The following RCBTB2 variants were observed in gnomAD, a reference collection of about 807,000 sequenced individuals.
RCBTB2 encodes RCC1 and BTB domain containing protein 2, also known as RCC1 and BTB domain-containing protein 2.
A neutral mutation model predicts 65.4 loss-of-function variants in RCBTB2; 55 were observed. The observed-to-expected ratio is 0.84, with a 90% CI of 0.68 to 1.05. The LOEUF (loss-of-function observed/expected upper bound fraction) is 1.05. Ranked by LOEUF, RCBTB2 falls within the 50% of genes least tolerant of loss-of-function variation. RCBTB2 has a pLI of 0.00. For missense variants in RCBTB2, 599 were observed against 680.1 expected (o/e 0.88, Z 1.33); for synonymous variants, 220 against 255.2 (o/e 0.86, Z 1.31).
rs757928614 is a variant in RCBTB2 at position 48,490,081 on chromosome 13, A to C, written c.*30T>G. 3.7e-6 allele frequency: 6 copies of C among 1,612,932 alleles called. No individual in the cohort carries two copies. In the South Asian group the frequency reaches 6.6e-5, roughly 18 times the overall value. ...TCTCTGGCTTTTGCAGGGGAAATGG[A>C]AAGGCTCAAAAACTTTCCTGCAGAT... On this transcript the variant is annotated 3_prime_UTR_variant, in exon 15 of 15. Coordinates refer to ENST00000344532, the MANE Select transcript of RCBTB2 (RefSeq NM_001268.4).
intron 12 of RCBTB2, 44 bp downstream of exon 12, chr13:48,501,698 T>C: frequency 6.5e-7 from 1 of 1,545,656 alleles, no homozygotes; most frequent in Non-Finnish European, 8.9e-7. Flanking sequence ...ATATAATTGT[T>C]GAACGAATTA....
In RCBTB2 at chr13:48,489,190, T is replaced by C. The variant is rs2138375959; in HGVS notation, c.*921A>G. The C allele has an allele frequency of 6.6e-6, 1 of 152,358 alleles. No homozygotes were observed. The highest frequency in any genetic ancestry group is 1.9e-4 in the East Asian group (1 of 5,188). The allele number at this position is 152,358 out of a possible 1,614,324, so 9.4% of individuals were successfully genotyped here. On this transcript the variant is annotated 3_prime_UTR_variant, in exon 15 of 15. Coordinates refer to ENST00000344532, the MANE Select transcript of RCBTB2 (RefSeq NM_001268.4). The stretch of plus-strand genomic sequence containing the variant: ...GTTAATGCTGTCCATGAAATGTAAG[T>C]ATCAGTTCCTTCTCAGCTAGTGCTT...
chr13:48,522,268 A>G (rs1276290514), intron 3 of RCBTB2, 40 bp downstream of exon 3: 31 of 1,270,142 alleles, frequency 2.4e-5, no homozygotes, highest in Non-Finnish European at 3.4e-5. Flanking sequence ...TTTTCATTTC[A>G]GAGTTGACTT....
intron 4 of RCBTB2, among the ~76,000 whole-genome samples, chr13:48,519,250 C>T (rs1236750567): frequency 1.3e-5 from 2 of 152,198 alleles, no homozygotes; most frequent in Non-Finnish European, 2.9e-5. Flanking sequence ...TATTCTCAGA[C>T]TCCTTAAGGA....
chr13:48,500,286 G>A (rs1247048090), intron 12 of RCBTB2, among the ~76,000 whole-genome samples: 3 of 152,186 alleles, frequency 2.0e-5, no homozygotes, highest in Non-Finnish European at 4.4e-5. Flanking sequence ...TGGACAGGGC[G>A]CGGTGGCTCA....
chr13:48,534,469 A>C (rs1477893028), upstream of RCBTB2, among the ~76,000 whole-genome samples: 1 of 152,232 alleles, frequency 6.6e-6, no homozygotes, highest in African/African-American at 2.4e-5. Flanking sequence ...ATCAGCAACC[A>C]TGGCAAGATC....
chr13:48,522,286 T>C, intron 3 of RCBTB2, 22 bp downstream of exon 3: 2 of 1,440,034 alleles, frequency 1.4e-6, no homozygotes, highest in South Asian at 2.4e-5. Flanking sequence ...CTTCCTGTGA[T>C]AAGGAAAAAT....
At chr13:48,531,640 A>G (rs1952130119) in intron 1 of RCBTB2, among the ~76,000 whole-genome samples, 1 of 152,210 alleles carries the variant, frequency 6.6e-6, no homozygotes, top group Admixed American at 6.5e-5. Flanking sequence ...GAGTGGTGGA[A>G]GTGGGGTATG....
chr13:48,533,693 T>C (rs1028835283), upstream of RCBTB2, among the ~76,000 whole-genome samples: 1 of 152,232 alleles, frequency 6.6e-6, no homozygotes, highest in African/African-American at 2.4e-5. Flanking sequence ...TGATTATATT[T>C]TGCAGTAATT....
rs2138420059 is a variant in RCBTB2, at chr13:48,496,280, T to C, written c.1426A>G (p.Lys476Glu). Residue 476 changes from lysine (K) to glutamate (E), a missense_variant, in exon 14 of 15, where the codon AAA becomes GAA. By Grantham distance (56) the Lys-to-Glu change is moderately conservative. Transcript: ENST00000344532. Reference sequence around the variant, plus strand: ...TTGATAGTTTGTTGGCAGAGCTTTTTCAAACGATTTTCTCTATAAAATGTA... The same window carrying C: ...TTGATAGTTTGTTGGCAGAGCTTTTCCAAACGATTTTCTCTATAAAATGTA... ...LATFYRENRL[K>E]KLCQQTIKQG... The C allele has an allele frequency of 6.3e-7, 1 of 1,591,052 alleles. No homozygotes were observed. The highest frequency in any genetic ancestry group is 1.8e-5 in the Admixed American group (1 of 56,152).
At chr13:48,516,096 CAGAGAGAG>C (rs10567858) in intron 4 of RCBTB2, among the ~76,000 whole-genome samples, 35 of 149,488 alleles carry the variant, frequency 2.3e-4, no homozygotes, top group African/African-American at 6.6e-4. Context: ...GCAAGAGAGA[CAGAGAGAG>C]AGAGAGAGAG....
intron 1 of RCBTB2, among the ~76,000 whole-genome samples, chr13:48,528,574 CA>C (rs1951934678): frequency 6.6e-6 from 1 of 152,100 alleles, no homozygotes; most frequent in Non-Finnish European, 1.5e-5. Context: ...CTGCAGACCA[CA>C]TAAATTTCAA....
At chr13:48,496,450 T>G (rs929578119) in intron 13 of RCBTB2, 129 bp from the exon 14 acceptor site, 1 of 843,156 alleles carries the variant, frequency 1.2e-6, no homozygotes, top group Admixed American at 3.1e-5. Context: ...CTGCATAGAC[T>G]GATGCTGACT....
In RCBTB2 at chr13:48,496,267, T is replaced by C. The variant is rs750056868; in HGVS notation, c.1439A>G (p.Gln480Arg). The change falls in exon 14 of 15, where the codon CAA becomes CGA. Residue 480 changes from glutamine to arginine, a missense_variant. Physicochemically the swap from Gln to Arg is conservative, Grantham distance 43 (BLOSUM62 1). Transcript: ENST00000344532. ...GCAGATGCCTTGCTTGATAGTTTGT[T>C]GGCAGAGCTTTTTCAAACGATTTTC... ...YRENRLKKLC[Q>R]QTIKQGICEE... 3.8e-6 allele frequency: 6 copies of C among 1,592,844 alleles called. No individual in the cohort carries two copies. In the South Asian group the frequency reaches 4.5e-5, roughly 12 times the overall value.
chr13:48,533,170 C>T (rs922995355), upstream of RCBTB2: 33 of 376,186 alleles, frequency 8.8e-5, no homozygotes, highest in Admixed American at 9.5e-4. Context: ...CCGGCCGAGA[C>T]GGAAACGAAG....
chr13:48,508,388 A>C (rs1950608457), intron 10 of RCBTB2, among the ~76,000 whole-genome samples: 1 of 151,654 alleles, frequency 6.6e-6, no homozygotes, highest in African/African-American at 2.4e-5. Context: ...AATCAGGAAC[A>C]TCTCATTTAA....
At chr13:48,517,262 T>G (rs1302060220) in intron 4 of RCBTB2, among the ~76,000 whole-genome samples, 1 of 152,174 alleles carries the variant, frequency 6.6e-6, no homozygotes, top group Non-Finnish European at 1.5e-5. Context: ...ATCCATCCCT[T>G]GAAAGGAGCT....
In RCBTB2 at chr13:48,496,253, G is replaced by A; in HGVS notation, c.1453C>T (p.Gln485Ter). 1 of 1,595,514 alleles carries A rather than the reference G, an allele frequency of 6.3e-7. No individual in the cohort carries two copies. Among genetic ancestry groups the A allele is most frequent in the Non-Finnish European group, 8.5e-7 (1 of 1,170,808 alleles). The change falls in exon 14 of 15, where the codon CAA becomes TAA. Residue 485 changes from glutamine (Q) to a stop codon, truncating the protein, a stop_gained. Coordinates refer to ENST00000344532, the MANE Select transcript of RCBTB2 (RefSeq NM_001268.4). LOFTEE classifies it high-confidence loss of function. ...LKKLCQQTIK[Q>*]GICEENAIAL... ...ATGGCATTCTCCTCGCAGATGCCTT[G>A]CTTGATAGTTTGTTGGCAGAGCTTT...
intron 9 of RCBTB2, among the ~76,000 whole-genome samples, chr13:48,511,356 C>T (rs144919275): frequency 1.9e-3 from 287 of 152,232 alleles, no homozygotes; most frequent in African/African-American, 6.5e-3. Flanking sequence ...CATTAACTTA[C>T]GATTTGATTA....
Sources: allele counts gnomAD v4.1 joint callset (sites outside exome capture counted in the v4.1 genomes callset), GRCh38; gene constraint gnomAD v4.1.1; transcripts MANE v1.5; gene names NCBI Gene and HGNC (gene_info 2026-07-23, HGNC 2026-07-21).